Variants in GRAMD1B observed in about 807,000 individuals in gnomAD.
GRAMD1B encodes the protein GRAM domain containing 1B, also known as protein Aster-B.
A neutral mutation model predicts 99.7 loss-of-function variants in GRAMD1B; 37 were observed. The observed-to-expected ratio is 0.37, with a 90% confidence interval of 0.29 to 0.49. The LOEUF (loss-of-function observed/expected upper bound fraction) is 0.49. Ranked by LOEUF, GRAMD1B falls within the 20% of genes least tolerant of loss-of-function variation. GRAMD1B has a pLI of 0.98. For missense variants in GRAMD1B, 888 were observed against 1,009.2 expected (o/e 0.88, Z 1.63); for synonymous variants, 427 against 387.6 (o/e 1.10, Z -1.19).
intron 2 of GRAMD1B, among the ~76,000 whole-genome samples, chr11:123,557,445 G>A (rs138229604): frequency 6.3e-4 from 96 of 152,334 alleles, no homozygotes; most frequent in African/African-American, 2.1e-3. Context: ...GATCTTTCTT[G>A]TATCCAAACT....
At chr11:123,433,188 C>T (rs549656882) in intron 1 of GRAMD1B, among the ~76,000 whole-genome samples, 3 of 152,096 alleles carry the variant, frequency 2.0e-5, no homozygotes, top group South Asian at 4.1e-4. Context: ...ACCAGCTTGG[C>T]CAACATGGTG....
intron 1 of GRAMD1B, among the ~76,000 whole-genome samples, chr11:123,401,385 A>C (rs1237236431): frequency 1.3e-5 from 2 of 152,166 alleles, no homozygotes; most frequent in African/African-American, 2.4e-5. Context: ...TCTGGACCTC[A>C]TCCCCACAGT....
rs375603281 is a variant in GRAMD1B at position 123,421,312 on chromosome 11, C to T, written c.-175-59504C>T. Among the ~76,000 whole-genome samples the T allele has an allele frequency of 5.9e-5, 9 of 152,308 alleles. No homozygotes were observed. The South Asian group carries it at 1.2e-3, about 21-fold the overall frequency. Reference sequence around the variant, plus strand: ...TGTGGGCTTATGAGGGAATTAGATGCGCACAGAATGTTTGCCAACAAATGC... The same window carrying T: ...TGTGGGCTTATGAGGGAATTAGATGTGCACAGAATGTTTGCCAACAAATGC... On this transcript the variant is annotated intron_variant, in intron 1 of 20. Transcript: ENST00000638157.
intron 1 of GRAMD1B, among the ~76,000 whole-genome samples, chr11:123,360,513 G>T (rs1057174671): frequency 1.3e-5 from 2 of 152,230 alleles, no homozygotes; most frequent in Admixed American, 1.3e-4. Context: ...AAAAGGGCGT[G>T]TGGTAGTTTT....
At chr11:123,552,643 G>T (rs1408702587) in intron 2 of GRAMD1B, among the ~76,000 whole-genome samples, 1 of 152,166 alleles carries the variant, frequency 6.6e-6, no homozygotes, top group African/African-American at 2.4e-5. Context: ...CAAAGGAAAG[G>T]TAACATGGGA....
chr11:123,616,524 C>T (rs1275075), intron 17 of GRAMD1B, among the ~76,000 whole-genome samples: 50,895 of 152,072 alleles, frequency 0.33, 9,856 homozygotes, highest in South Asian at 0.5. Flanking sequence ...AGGCCTGCAC[C>T]CCTGAGCAAA....
intron 1 of GRAMD1B, among the ~76,000 whole-genome samples, chr11:123,405,171 G>A (rs891020575): frequency 2.6e-5 from 4 of 150,948 alleles, no homozygotes; most frequent in African/African-American, 4.9e-5. Flanking sequence ...AGAAGGGAGA[G>A]TATGTTGTAA....
intron 1 of GRAMD1B, among the ~76,000 whole-genome samples, chr11:123,376,613 T>G (rs1187164483): frequency 6.6e-6 from 1 of 152,208 alleles, no homozygotes; most frequent in African/African-American, 2.4e-5. Context: ...AATATCACTC[T>G]AGTTCCATCT....
chr11:123,519,925 T>C (rs1432058931), intron 2 of GRAMD1B, among the ~76,000 whole-genome samples: 5 of 152,232 alleles, frequency 3.3e-5, no homozygotes, highest in Non-Finnish European at 7.3e-5. Flanking sequence ...GGAGCCGATA[T>C]TGTGGCATTT....
At chr11:123,405,105 G>T (rs1038205788) in intron 1 of GRAMD1B, among the ~76,000 whole-genome samples, 1 of 152,156 alleles carries the variant, frequency 6.6e-6, no homozygotes, top group Non-Finnish European at 1.5e-5. Context: ...GAGAGGGAGA[G>T]AATTTGGTAG....
At chr11:123,515,856 C>T (rs561881460) in intron 2 of GRAMD1B, among the ~76,000 whole-genome samples, 1 of 152,228 alleles carries the variant, frequency 6.6e-6, no homozygotes, top group South Asian at 2.1e-4. Flanking sequence ...CAACTTCCGC[C>T]TCCGGGGCTC....
At chr11:123,486,636 A>G (rs905877064) in intron 2 of GRAMD1B, among the ~76,000 whole-genome samples, 1 of 152,184 alleles carries the variant, frequency 6.6e-6, no homozygotes, top group South Asian at 2.1e-4. Flanking sequence ...TCACATATTT[A>G]GACTCCAGAT....
chr11:123,553,552 A>G (rs1945842621), intron 2 of GRAMD1B, among the ~76,000 whole-genome samples: 1 of 152,142 alleles, frequency 6.6e-6, no homozygotes, highest in South Asian at 2.1e-4. Context: ...TCACCCTTCA[A>G]TCTCCTGGCC....
intron 3 of GRAMD1B, chr11:123,578,389 T>C: frequency 6.6e-7 from 1 of 1,524,474 alleles, no homozygotes; most frequent in South Asian, 1.2e-5. Context: ...CCAAATACCT[T>C]CTTTGCATGC....
chr11:123,600,726 C>T (rs957240782), intron 8 of GRAMD1B, among the ~76,000 whole-genome samples, 178 bp downstream of exon 8: 2 of 152,172 alleles, frequency 1.3e-5, no homozygotes, highest in Non-Finnish European at 2.9e-5. Context: ...AGGAGTAAGG[C>T]ACTCATTGTC....
chr11:123,598,340 ATCT>A, intron 7 of GRAMD1B: 1 of 1,179,048 alleles, frequency 8.5e-7, no homozygotes, highest in Admixed American at 1.7e-5. Context: ...CGTTCTCTTC[ATCT>A]TCACTCTAAC....
At position 123,411,562 on chromosome 11, in the gene GRAMD1B, A is replaced by G. The variant is rs553135381; in HGVS notation, c.-176+52763A>G. Among the ~76,000 whole-genome samples, 33 of 152,290 alleles carry G rather than the reference A, an allele frequency of 2.2e-4. No homozygotes were observed. The South Asian group carries it at 2.9e-3, about 13-fold the overall frequency. On this transcript the variant is annotated intron_variant, in intron 1 of 20. Coordinates refer to the GRAMD1B transcript ENST00000638157. ...GGGCTTGGTATTATTGGCTTAAGTT[A>G]CATTCCCCCAGAGATTTAGAAATAC... is the stretch of plus-strand genomic sequence containing the variant.
chr11:123,563,846 G>A (rs1487742395), intron 2 of GRAMD1B, among the ~76,000 whole-genome samples: 3 of 152,196 alleles, frequency 2.0e-5, no homozygotes, highest in Non-Finnish European at 4.4e-5. Flanking sequence ...TACCCTGAAT[G>A]TATTTTAAAT....
At chr11:123,391,668 CTGGTCT>C (rs2135857391) in intron 1 of GRAMD1B, among the ~76,000 whole-genome samples, 1 of 152,258 alleles carries the variant, frequency 6.6e-6, no homozygotes, top group African/African-American at 2.4e-5. Context: ...GTTGGTCAGG[CTGGTCT>C]TGAACTCTTG....
Sources: allele counts gnomAD v4.1 joint callset (sites outside exome capture counted in the v4.1 genomes callset), GRCh38; gene constraint gnomAD v4.1.1; transcripts MANE v1.5; gene names NCBI Gene and HGNC (gene_info 2026-07-23, HGNC 2026-07-21).